GPR158: variants seen among roughly 807,000 people sequenced by gnomAD.
GPR158 encodes metabotropic glycine receptor.
Under a neutral mutation model 78.2 loss-of-function variants are expected in GPR158, and 30 were observed. That is an observed-to-expected ratio of 0.38 (90% CI 0.29 to 0.52). The LOEUF is 0.52. GPR158 is among the 20% of genes least tolerant of loss of function. GPR158 has a pLI of 0.83. For synonymous variants in GPR158, 581 were observed against 591.1 expected (o/e 0.98, Z 0.25); for missense variants, 1,463 against 1,523.5 (o/e 0.96, Z 0.66).
At chr10:25,528,241 AAAG>A (rs1836376039) in intron 5 of GPR158, among the ~76,000 whole-genome samples, 1 of 152,028 alleles carries the variant, frequency 6.6e-6, no homozygotes, top group African/African-American at 2.4e-5. Context: ...TATAATTAGA[AAAG>A]AACATGACAA....
chr10:25,437,901 A>T (rs139679378), intron 4 of GPR158, among the ~76,000 whole-genome samples: 9 of 152,332 alleles, frequency 5.9e-5, no homozygotes, highest in African/African-American at 1.9e-4. Context: ...TAATGATGGG[A>T]GCTTATTTAT....
intron 2 of GPR158, among the ~76,000 whole-genome samples, chr10:25,239,917 T>A (rs1241107729): frequency 6.6e-6 from 1 of 152,204 alleles, no homozygotes. Context: ...ATACCAACTC[T>A]AAGTAGCATA....
intron 5 of GPR158, among the ~76,000 whole-genome samples, chr10:25,508,833 G>T (rs780793587): frequency 2.8e-4 from 42 of 152,274 alleles, no homozygotes; most frequent in Non-Finnish European, 4.6e-4. Flanking sequence ...CCCTGCTATG[G>T]CTGCTTGGTT....
At chr10:25,557,741 TGACAA>T (rs1403571137) in intron 6 of GPR158, among the ~76,000 whole-genome samples, 1 of 152,346 alleles carries the variant, frequency 6.6e-6, no homozygotes, top group African/African-American at 2.4e-5. Context: ...ATAAGCATAC[TGACAA>T]GACATGTTTT....
At chr10:25,398,054 T>A (rs1834389982) in intron 3 of GPR158, among the ~76,000 whole-genome samples, 1 of 152,162 alleles carries the variant, frequency 6.6e-6, no homozygotes, top group South Asian at 2.1e-4. Context: ...CTTCGACTAC[T>A]ACAATTGCAG....
At chr10:25,522,605 A>T (rs1041462843) in intron 5 of GPR158, among the ~76,000 whole-genome samples, 5 of 152,206 alleles carry the variant, frequency 3.3e-5, no homozygotes, top group African/African-American at 1.2e-4. Context: ...ATAAAGACAG[A>T]CCTGTGAGTT....
intron 2 of GPR158, among the ~76,000 whole-genome samples, chr10:25,277,362 G>GAATACAA (rs1160826155): frequency 6.6e-6 from 1 of 151,736 alleles, no homozygotes; most frequent in African/African-American, 2.4e-5. Context: ...GGAAAAAAAT[G>GAATACAA]AATACAAAAA....
intron 2 of GPR158, among the ~76,000 whole-genome samples, chr10:25,363,920 C>T (rs1207738248): frequency 1.3e-5 from 2 of 151,060 alleles, no homozygotes; most frequent in South Asian, 2.1e-4. Flanking sequence ...TACTTAAGCA[C>T]TCTACCCTTG....
intron 2 of GPR158, among the ~76,000 whole-genome samples, chr10:25,285,963 C>A (rs749714843): frequency 6.6e-6 from 1 of 152,170 alleles, no homozygotes; most frequent in Non-Finnish European, 1.5e-5. Flanking sequence ...CCATTGTCTT[C>A]TGACTTGCAG....
At chr10:25,454,341 G>A (rs538731541) in intron 4 of GPR158, among the ~76,000 whole-genome samples, 1 of 83,700 alleles carries the variant, frequency 1.2e-5, no homozygotes, top group Non-Finnish European at 2.5e-5. Flanking sequence ...CGACCCGGAG[G>A]AGAAATGATT....
intron 5 of GPR158, among the ~76,000 whole-genome samples, chr10:25,540,043 C>T (rs1836555696): frequency 6.6e-6 from 1 of 152,118 alleles, no homozygotes; most frequent in African/African-American, 2.4e-5. Context: ...TCGCAACCTA[C>T]TCATCTGACA....
rs12248542 is a variant in GPR158 at position 25,468,527 on chromosome 10, G to A, written c.1404+1808G>A. On this transcript the variant is annotated intron_variant, in intron 5 of 10. Transcript: ENST00000376351. The stretch of plus-strand genomic sequence containing the variant: ...TGGTATGTATGCGTAATATATACAA[G>A]TAAGTATCGCTTTCCTTCTTCCTTC... Among the ~76,000 whole-genome samples the A allele has an allele frequency of 2.7e-3, 418 of 152,270 alleles. 2 individuals are homozygous for A. Among genetic ancestry groups the A allele is most frequent in the African/African-American group, 9.7e-3 (404 of 41,558 alleles).
rs778028663 is a variant in GPR158, at chr10:25,433,566, TGTGTGC to T, written c.1335+21095_1335+21100del. On this transcript the variant is annotated intron_variant, in intron 4 of 10. Transcript: ENST00000376351. ...TGTGTGTTGTGTGTGTGTGTGTGTGTGTGTGCGCGCGCGCGTGCGCGTGCGCATATA... is the reference window on the plus strand; with the variant it reads ...TGTGTGTTGTGTGTGTGTGTGTGTGTGCGCGCGCGTGCGCGTGCGCATATA... 2.0e-3 allele frequency among the ~76,000 whole-genome samples: 293 copies of T among 144,182 alleles called. 2 individuals carry two copies. Among genetic ancestry groups the T allele is most frequent in the Middle Eastern group, 3.6e-3 (1 of 278 alleles). 94.6% of individuals were successfully genotyped at this position (144,182 alleles called of 152,430 possible).
rs561830025 is a variant in GPR158, at chr10:25,426,709, A to G, written c.1335+14236A>G. On this transcript the variant is annotated intron_variant, in intron 4 of 10. Coordinates refer to ENST00000376351, the MANE Select transcript of GPR158 (RefSeq NM_020752.3). ...TAACATGAAAGATGTGTGATCACCA[A>G]TCACCATAACAGATATAATAATAAT... Among the ~76,000 whole-genome samples, 8 of 152,284 alleles carry G rather than the reference A, an allele frequency of 5.3e-5. No homozygotes were observed. In the East Asian group the frequency reaches 9.7e-4, roughly 18 times the overall value.
chr10:25,597,886 A>G lies in GPR158; in HGVS notation c.2260A>G (p.Ile754Val). ...RCSKKGLGRS[I>V]MRRITEIPET... ...CTCGAAGAAGGGCCTAGGTCGTTCC[A>G]TCATGAGACGCATTACGGAGATCCC... Residue 754 changes from isoleucine (I) to valine (V), a missense_variant, in exon 11 of 11, where the codon ATC becomes GTC. Transcript: ENST00000376351. 1 of 1,604,984 alleles carries G rather than the reference A, an allele frequency of 6.2e-7. No individual in the cohort carries two copies. Among genetic ancestry groups the G allele is most frequent in the East Asian group, 2.2e-5 (1 of 44,800 alleles).
chr10:25,456,053 G>A (rs1274486440), intron 4 of GPR158, among the ~76,000 whole-genome samples: 1 of 152,050 alleles, frequency 6.6e-6, no homozygotes, highest in Non-Finnish European at 1.5e-5. Context: ...CATCATCTTT[G>A]CATCTAAATA....
At chr10:25,304,134 G>GTTTTTGT (rs775426730) in intron 2 of GPR158, among the ~76,000 whole-genome samples, 5 of 150,754 alleles carry the variant, frequency 3.3e-5, no homozygotes, top group Admixed American at 6.6e-5. Flanking sequence ...TTACTTGTTT[G>GTTTTTGT]TTTTTGTTTT....
chr10:25,401,251 C>T (rs1271152374), intron 3 of GPR158, among the ~76,000 whole-genome samples: 6 of 152,130 alleles, frequency 3.9e-5, no homozygotes, highest in Non-Finnish European at 4.4e-5. Context: ...GTCACTTTCA[C>T]CACTGGTCTG....
intron 5 of GPR158, among the ~76,000 whole-genome samples, chr10:25,474,783 A>G (rs988419110): frequency 6.6e-6 from 1 of 152,180 alleles, no homozygotes; most frequent in Admixed American, 6.6e-5. Context: ...AGATGAACTT[A>G]GAAATGTACC....
Sources: gnomAD v4.1 joint callset for allele counts (sites outside exome capture counted in the v4.1 genomes callset) on GRCh38, gnomAD v4.1.1 for gene constraint, MANE v1.5 for transcripts, NCBI Gene and HGNC (gene_info 2026-07-23, HGNC 2026-07-21) for gene names.